The following INTS9 variants were observed in gnomAD, a reference collection of about 807,000 sequenced individuals.
INTS9 encodes integrator complex subunit 9, also known as protein related to CPSF subunits of 74 kDa.
In INTS9, 55 loss-of-function variants were observed where a neutral mutation model predicts 79.7. That is an observed-to-expected ratio of 0.69 (90% CI 0.56 to 0.86). The LOEUF (loss-of-function observed/expected upper bound fraction) is 0.86, where lower values mean the gene tolerates loss of function less well. Ranked by LOEUF, INTS9 falls within the 40% of genes least tolerant of loss-of-function variation. INTS9 has a pLI of 0.00. For missense variants in INTS9, 721 were observed against 831.5 expected (o/e 0.87, Z 1.64); for synonymous variants, 319 against 325.2 (o/e 0.98, Z 0.20).
intron 8 of INTS9, among the ~76,000 whole-genome samples, chr8:28,799,107 C>T (rs754971186): frequency 6.6e-6 from 1 of 152,118 alleles, no homozygotes; most frequent in Non-Finnish European, 1.5e-5. Context: ...CCAGCCTGGC[C>T]AACATAGCGA....
rs536570848 is a variant in INTS9 at position 28,842,641 on chromosome 8, C to T, written c.261+4106G>A. 1.2e-3 allele frequency among the ~76,000 whole-genome samples: 176 copies of T among 152,156 alleles called. 1 individual carries two copies. Among genetic ancestry groups the T allele is most frequent in the African/African-American group, 4.1e-3 (169 of 41,526 alleles). On this transcript the variant is annotated intron_variant, in intron 4 of 16. Transcript: ENST00000521022. ...TAGGCTCCTGAATTTCTCCAAGCTC[C>T]ATATCTTGAAACGTTTCACCTCCCA...
intron 1 of INTS9, among the ~76,000 whole-genome samples, chr8:28,859,851 T>C (rs1227287543): frequency 6.6e-6 from 1 of 152,228 alleles, no homozygotes; most frequent in African/African-American, 2.4e-5. Flanking sequence ...AAGGCTATGG[T>C]TATTCATTCC....
intron 8 of INTS9, among the ~76,000 whole-genome samples, chr8:28,800,383 T>C (rs1804452998): frequency 6.6e-6 from 1 of 151,516 alleles, no homozygotes; most frequent in South Asian, 2.1e-4. Flanking sequence ...GGATGGAGAG[T>C]GTACTTTGGG....
intron 1 of INTS9, among the ~76,000 whole-genome samples, chr8:28,881,722 T>C (rs1475915793): frequency 8.4e-6 from 1 of 118,918 alleles, no homozygotes; most frequent in African/African-American, 3.2e-5. Flanking sequence ...CAGCCCCCCT[T>C]CCGGCCGGCC....
rs987683638 is a variant in INTS9, at chr8:28,776,212, G to A, written c.1396-286C>T. On this transcript the variant is annotated intron_variant, in intron 13 of 16. Coordinates refer to ENST00000521022, the MANE Select transcript of INTS9 (RefSeq NM_018250.4). ...TAACTTCCATGTGTCTGCTCCCAGC[G>A]GTCTCTGGGCTTCCTCGGGGCACGG... The A allele has an allele frequency of 6.9e-5, 21 of 302,646 alleles. No homozygotes were observed. The South Asian group carries it at 1.1e-3, about 16-fold the overall frequency. The allele number at this position is 302,646 out of a possible 1,614,324, so 18.7% of individuals were successfully genotyped here. A position where few individuals can be genotyped will look rare whatever the true frequency, so the allele number is the denominator to read the frequency against.
At chr8:28,831,211 G>A (rs957891417) in intron 6 of INTS9, among the ~76,000 whole-genome samples, 1 of 152,216 alleles carries the variant, frequency 6.6e-6, no homozygotes, top group Non-Finnish European at 1.5e-5. Context: ...CATAGGAACA[G>A]AAAACCAAAC....
chr8:28,849,328 G>A (rs909871671), intron 3 of INTS9, among the ~76,000 whole-genome samples: 1 of 151,958 alleles, frequency 6.6e-6, no homozygotes, highest in African/African-American at 2.4e-5. Flanking sequence ...CATTTATTAA[G>A]TTAACTGTCT....
rs1453609682 is a variant in INTS9, at chr8:28,777,762, C to T, written c.1395+67G>A. 13 of 1,508,786 alleles carry T rather than the reference C, an allele frequency of 8.6e-6. No individual in the cohort carries two copies. The East Asian group carries it at 3.2e-4, about 37-fold the overall frequency. 93.5% of individuals were successfully genotyped at this position (1,508,786 alleles called of 1,614,324 possible). A position where few individuals can be genotyped will look rare whatever the true frequency, so the allele number is the denominator to read the frequency against. On this transcript the variant is annotated intron_variant, in intron 13 of 16. Coordinates refer to ENST00000521022, the MANE Select transcript of INTS9 (RefSeq NM_018250.4). ...ACAGCTAGATCTCTCTCCCCTCACCCCACACAAGCATGAGCCACACCAAGG... is the reference window on the plus strand; with the variant it reads ...ACAGCTAGATCTCTCTCCCCTCACCTCACACAAGCATGAGCCACACCAAGG...
intron 3 of INTS9, 40 bp downstream of exon 3, chr8:28,850,173 T>C: frequency 1.3e-6 from 2 of 1,542,548 alleles, no homozygotes; most frequent in Non-Finnish European, 9.0e-7. Flanking sequence ...AGCTTTCCAC[T>C]GGCTGTAGAT....
intron 1 of INTS9, among the ~76,000 whole-genome samples, chr8:28,887,107 C>T (rs1424445126): frequency 6.6e-6 from 1 of 152,080 alleles, no homozygotes; most frequent in African/African-American, 2.4e-5. Context: ...AAATATATAA[C>T]AGGGGTACTT....
At chr8:28,831,709 C>CT (rs1441331968) in intron 6 of INTS9, among the ~76,000 whole-genome samples, 2 of 151,802 alleles carry the variant, frequency 1.3e-5, no homozygotes, top group African/African-American at 2.4e-5. Context: ...AAATATTGCC[C>CT]TTTTTTTTAG....
chr8:28,862,426 GGTTT>G (rs1303562755), intron 1 of INTS9: 1 of 168,932 alleles, frequency 5.9e-6, no homozygotes, highest in African/African-American at 2.4e-5. Flanking sequence ...AATATACCAT[GGTTT>G]GTTTGGTCAT....
chr8:28,887,844 G>A (rs1040881953), intron 1 of INTS9, among the ~76,000 whole-genome samples: 1 of 151,992 alleles, frequency 6.6e-6, no homozygotes, highest in African/African-American at 2.4e-5. Flanking sequence ...GTTCTTAATG[G>A]AAAAAATAAT....
At chr8:28,835,211 T>A (rs545193688) in intron 6 of INTS9, 81 bp downstream of exon 6, 4 of 848,886 alleles carry the variant, frequency 4.7e-6, no homozygotes, top group Non-Finnish European at 7.7e-6. Flanking sequence ...TGTTTAAGCA[T>A]AGAGGAAGAA....
At chr8:28,774,872 G>A (rs180930399) in intron 14 of INTS9, among the ~76,000 whole-genome samples, 2 of 152,338 alleles carry the variant, frequency 1.3e-5, no homozygotes, top group East Asian at 1.9e-4. Flanking sequence ...TCTCAGAGGA[G>A]TGGCCCAAGC....
At chr8:28,796,764 A>T (rs1804241029) in intron 8 of INTS9, 109 bp from the exon 9 acceptor site, 1 of 742,446 alleles carries the variant, frequency 1.3e-6, no homozygotes. Context: ...TTAACCCATC[A>T]TCGAGTTCTC....
At chr8:28,843,153 C>T (rs1459521427) in intron 4 of INTS9, among the ~76,000 whole-genome samples, 1 of 152,210 alleles carries the variant, frequency 6.6e-6, no homozygotes, top group Non-Finnish European at 1.5e-5. Flanking sequence ...CCGTCCAGGT[C>T]TTTTTGTTGT....
At chr8:28,858,201 T>G (rs995750703) in intron 2 of INTS9, among the ~76,000 whole-genome samples, 1 of 152,196 alleles carries the variant, frequency 6.6e-6, no homozygotes, top group Non-Finnish European at 1.5e-5. Context: ...GATTTTATTT[T>G]TAAAGTAATT....
chr8:28,846,441 G>C (rs994034272), intron 4 of INTS9, among the ~76,000 whole-genome samples: 1 of 152,142 alleles, frequency 6.6e-6, no homozygotes, highest in African/African-American at 2.4e-5. Flanking sequence ...ACAGGCATCA[G>C]AATCACAAAA....
Sources: gnomAD v4.1 joint callset for allele counts (sites outside exome capture counted in the v4.1 genomes callset) on GRCh38, gnomAD v4.1.1 for gene constraint, MANE v1.5 for transcripts, NCBI Gene and HGNC (gene_info 2026-07-23, HGNC 2026-07-21) for gene names.